C3: variants seen among roughly 807,000 people sequenced by gnomAD.
C3 encodes the protein C3 and PZP-like alpha-2-macroglobulin domain-containing protein 1.
Under a neutral mutation model 207.9 loss-of-function variants are expected in C3, and 97 were observed. That is an observed-to-expected ratio of 0.47 (90% CI 0.40 to 0.55). C3 has a LOEUF of 0.55. Ranked by LOEUF, C3 falls within the 20% of genes least tolerant of loss-of-function variation. The probability of loss-of-function intolerance (pLI) is 0.00; values close to 1 mark genes in which losing one functional copy is unlikely to be tolerated. For synonymous variants in C3, 848 were observed against 857.6 expected (o/e 0.99, Z 0.20); for missense variants, 1,684 against 2,171.7 (o/e 0.78, Z 4.46).
At position 6,712,287 on chromosome 19, in the gene C3, T is replaced by C; in HGVS notation, c.1239A>G (p.Thr413=). Residue 413 remains threonine, a synonymous_variant, in exon 11 of 41, where the codon ACA becomes ACG. Coordinates refer to ENST00000245907, the MANE Select transcript of C3 (RefSeq NM_000064.4). ...GDGVAKLSIN[T]HPSQKPLSIT... is the part of the protein sequence containing the mutation. ...TGCTCAAGGGCTTCTGGCTGGGGTG[T>C]GTGTTGATGCTGAGTTTGGCCACGC... The C allele has an allele frequency of 6.2e-7, 1 of 1,613,936 alleles. No individual in the cohort carries two copies. Among genetic ancestry groups the C allele is most frequent in the Non-Finnish European group, 8.5e-7 (1 of 1,179,982 alleles).
chr19:6,712,868 T>C (rs1013801170), intron 9 of C3, among the ~76,000 whole-genome samples: 3 of 151,778 alleles, frequency 2.0e-5, no homozygotes, highest in Non-Finnish European at 2.9e-5. Context: ...ACCTTTATAC[T>C]GGCCCTGCCT....
chr19:6,713,176 G>A lies in C3; in HGVS notation c.1003+13C>T, dbSNP rs758930067. On this transcript the variant is annotated intron_variant, in intron 9 of 40. Transcript: ENST00000245907. ...TTGGTGGTCCTGAGCCTGGCCTTCA[G>A]ACTGGGCCTCACCTGAGTGCAAGAT... 6.2e-7 allele frequency: 1 copy of A among 1,613,672 alleles called. No individual in the cohort carries two copies. The highest frequency in any genetic ancestry group is 2.2e-5 in the East Asian group (1 of 44,878).
At chr19:6,710,602 G>A in intron 13 of C3, 37 bp downstream of exon 13, 1 of 1,520,382 alleles carries the variant, frequency 6.6e-7, no homozygotes. Flanking sequence ...GGAGTAGGGA[G>A]AGGGAGAGGG....
rs1309290222 is a variant in C3, at chr19:6,684,399, C to T, written c.4161G>A (p.Glu1387=). The T allele has an allele frequency of 6.2e-7, 1 of 1,613,954 alleles. No homozygotes were observed. Among genetic ancestry groups the T allele is most frequent in the African/African-American group, 1.3e-5 (1 of 75,044 alleles). ...ACCTAGCTTCTTACCTGGTACAGAT[C>T]TCAAGGATCATAGTGTTCTTGGCAT... ...PQDAKNTMIL[E]ICTRYRGDQD... is the part of the protein sequence containing the mutation. Residue 1387 remains glutamate (E), a synonymous_variant, in exon 33 of 41, where the codon GAG becomes GAA. Coordinates refer to ENST00000245907, the MANE Select transcript of C3 (RefSeq NM_000064.4).
At chr19:6,689,559 C>T (rs887312558) in intron 27 of C3, among the ~76,000 whole-genome samples, 4 of 152,032 alleles carry the variant, frequency 2.6e-5, no homozygotes, top group African/African-American at 4.8e-5. Flanking sequence ...CAAAACCCCA[C>T]GATCAGCTAG....
intron 33 of C3, 77 bp downstream of exon 33, chr19:6,684,311 C>G: frequency 9.0e-7 from 1 of 1,112,436 alleles, no homozygotes; most frequent in Middle Eastern, 2.2e-4. Context: ...TACTGAATAT[C>G]ATGGATATTA....
chr19:6,702,485 C>G lies in C3; in HGVS notation c.2340G>C (p.Glu780Asp). Reference sequence around the variant, plus strand: ...CCCGGCCTTACCCATTTTTCGGTGGCTCTTTCAAGTCCTCAACGTTCCACA... The same window carrying G: ...CCCGGCCTTACCCATTTTTCGGTGGGTCTTTCAAGTCCTCAACGTTCCACA... ...SWLWNVEDLK[E>D]PPKNGISTKL... is the part of the protein sequence containing the mutation. Residue 780 changes from glutamate (E) to aspartate (D), a missense_variant, in exon 18 of 41, where the codon GAG (glutamate) becomes GAC (aspartate). Around this residue, in one of 3 missense-constraint regions of C3, gnomAD observed 1,280 missense variants for 1,739.1 expected, o/e 0.74. Coordinates refer to ENST00000245907, the MANE Select transcript of C3 (RefSeq NM_000064.4). 1 of 1,613,124 alleles carries G rather than the reference C, an allele frequency of 6.2e-7. No homozygotes were observed. The highest frequency in any genetic ancestry group is 1.1e-5 in the South Asian group (1 of 91,050).
intron 7 of C3, 51 bp from the exon 8 acceptor site, chr19:6,713,560 A>C: frequency 7.2e-7 from 1 of 1,385,174 alleles, no homozygotes; most frequent in South Asian, 1.2e-5. Context: ...GGAGAATGGG[A>C]TCTCCCCCAG....
chr19:6,697,124 G>A (rs931302472), intron 21 of C3, among the ~76,000 whole-genome samples: 2 of 151,580 alleles, frequency 1.3e-5, no homozygotes, highest in Non-Finnish European at 1.5e-5. Context: ...GATGGTCGAC[G>A]AGGTTTTTGG....
Position 6,684,396 on chromosome 19 carries a change from G to C in C3, c.4164C>G (p.Ile1388Met). 1 of 1,613,806 alleles carries C rather than the reference G, an allele frequency of 6.2e-7. No individual in the cohort carries two copies. The highest frequency in any genetic ancestry group is 8.5e-7 in the Non-Finnish European group (1 of 1,179,648). ...QDAKNTMILE[I>M]CTRYRGDQDA... ...GTGACCTAGCTTCTTACCTGGTACA[G>C]ATCTCAAGGATCATAGTGTTCTTGG... is the stretch of plus-strand genomic sequence containing the variant. Residue 1388 changes from isoleucine to methionine, a missense_variant, in exon 33 of 41, where the codon ATC becomes ATG. By Grantham distance (10) the Ile-to-Met change is conservative. Around this residue, in one of 3 missense-constraint regions of C3, gnomAD observed 346 missense variants for 380.1 expected, o/e 0.91. Transcript: ENST00000245907.
At chr19:6,716,159 G>C (rs527374820) in intron 4 of C3, among the ~76,000 whole-genome samples, 1 of 151,124 alleles carries the variant, frequency 6.6e-6, no homozygotes, top group Admixed American at 6.6e-5. Flanking sequence ...TCTTGGCCTC[G>C]AGCAGTCTTC....
rs436041 is a variant in C3 at position 6,692,785 on chromosome 19, G to C, written c.3390+139C>G. ...AGTGACGCCTCTGGCTCATATATCT[G>C]CCTGCCCCCACCCCCCAGCCCAATC... is the stretch of plus-strand genomic sequence containing the variant. On this transcript the variant is annotated intron_variant, in intron 26 of 40. Transcript: ENST00000245907. The C allele has an allele frequency of 0.14, 146,940 of 1,058,862 alleles. 11,577 individuals are homozygous for C. Among genetic ancestry groups the C allele is most frequent in the African/African-American group, 0.3 (19,111 of 64,212 alleles). The allele number at this position is 1,058,862 out of a possible 1,614,324, so 65.6% of individuals were successfully genotyped here.
chr19:6,712,617 T>TCA lies in C3; in HGVS notation c.1008_1009dup (p.Asp337ValfsTer14). ...CCCGCTGCGCTCTGCCTGCACCATG[T>TCA]CACTGCCTGAGGGGACCAGCTGTGA... is the stretch of plus-strand genomic sequence containing the variant. On this transcript the variant is annotated frameshift_variant, in exon 10 of 41. Transcript: ENST00000245907. LOFTEE classifies it high-confidence loss of function. 1 of 1,613,942 alleles carries TCA rather than the reference T, an allele frequency of 6.2e-7. No homozygotes were observed. The highest frequency in any genetic ancestry group is 8.5e-7 in the Non-Finnish European group (1 of 1,179,824).
chr19:6,707,049 C>G (rs376790325), intron 17 of C3, 27 bp downstream of exon 17: 364 of 1,591,856 alleles, frequency 2.3e-4, no homozygotes, highest in Non-Finnish European at 3.0e-4. Context: ...CGGCCCCCTC[C>G]CCCTGTCCCC....
intron 37 of C3, 44 bp from the exon 38 acceptor site, chr19:6,679,252 CT>C (rs765181421): frequency 1.9e-5 from 30 of 1,550,880 alleles, no homozygotes; most frequent in Non-Finnish European, 2.4e-5. Context: ...CACTCCTTAT[CT>C]GGGGCCTACT....
rs751920993 is a variant in C3, at chr19:6,682,133, C to T, written c.4260+9G>A. The T allele has an allele frequency of 3.2e-5, 52 of 1,612,574 alleles. No individual in the cohort carries two copies. Among genetic ancestry groups the T allele is most frequent in the African/African-American group, 1.3e-5 (1 of 74,880 alleles). On this transcript the variant is annotated intron_variant, in intron 34 of 40. Transcript: ENST00000245907. Reference sequence around the variant, plus strand: ...TTTCCACTTATCCCAGCTCCTGAGCCCTTCATACCTGCTTCAGGTCATCTG... The same window carrying T: ...TTTCCACTTATCCCAGCTCCTGAGCTCTTCATACCTGCTTCAGGTCATCTG...
chr19:6,688,953 T>G (rs1918084036), intron 27 of C3, among the ~76,000 whole-genome samples: 1 of 152,116 alleles, frequency 6.6e-6, no homozygotes. Context: ...GCCCTAACCT[T>G]GATCTGATAT....
chr19:6,712,454 G>A, intron 10 of C3, 48 bp from the exon 11 acceptor site: 2 of 1,614,172 alleles, frequency 1.2e-6, no homozygotes, highest in Non-Finnish European at 1.7e-6. Context: ...GCTCAGGGCT[G>A]TGGCCGGTGT....
chr19:6,706,687 A>T (rs1381430832), intron 17 of C3, among the ~76,000 whole-genome samples: 3 of 82,984 alleles, frequency 3.6e-5, no homozygotes, highest in African/African-American at 1.4e-4. Context: ...TCCCCCCGAG[A>T]CAGAGGCCTC....
Sources: allele counts gnomAD v4.1 joint callset (sites outside exome capture counted in the v4.1 genomes callset), GRCh38; gene constraint gnomAD v4.1.1; regional missense constraint gnomAD v4.1.1; transcripts MANE v1.5; gene names NCBI Gene and HGNC (gene_info 2026-07-23, HGNC 2026-07-21).